The following GABBR2 variants were observed in gnomAD, a reference collection of about 807,000 sequenced individuals.
GABBR2 encodes the protein gamma-aminobutyric acid type B receptor subunit 2.
In GABBR2, 23 loss-of-function variants were observed where a neutral mutation model predicts 105.6. The observed-to-expected ratio is 0.22, with a 90% CI of 0.16 to 0.31. The LOEUF is 0.31. GABBR2 is among the 10% of genes least tolerant of loss of function. The pLI is 1.00. For missense variants in GABBR2, 734 were observed against 1,245.5 expected, an observed-to-expected ratio of 0.59 and a Z score of 6.18; for synonymous variants, 478 against 499.7, an observed-to-expected ratio of 0.96 and a Z score of 0.58.
Position 98,511,940 on chromosome 9 carries a change from T to C in GABBR2, c.631-15426A>G, listed in dbSNP as rs1827652505. 2.6e-5 allele frequency among the ~76,000 whole-genome samples: 4 copies of C among 152,092 alleles called. No individual in the cohort carries two copies. The South Asian group carries it at 6.2e-4, about 24-fold the overall frequency. On this transcript the variant is annotated intron_variant, in intron 3 of 18. Coordinates refer to ENST00000259455, the MANE Select transcript of GABBR2 (RefSeq NM_005458.8). ...ACATCATCCTGATACCAAAGCCTGG[T>C]AGAGACACAACCAAAAAAGAGAATT...
At chr9:98,653,064 A>G (rs770809714) in intron 1 of GABBR2, among the ~76,000 whole-genome samples, 24 of 152,344 alleles carry the variant, frequency 1.6e-4, no homozygotes, top group Non-Finnish European at 2.9e-4. Flanking sequence ...TGGCACAATC[A>G]TAGCCCACTG....
intron 8 of GABBR2, among the ~76,000 whole-genome samples, chr9:98,403,560 C>T (rs990694240): frequency 3.9e-5 from 6 of 151,958 alleles, no homozygotes; most frequent in African/African-American, 1.5e-4. Context: ...GGAATGAGAT[C>T]ATCGCTAAGG....
At chr9:98,552,671 T>C (rs1287486923) in intron 2 of GABBR2, among the ~76,000 whole-genome samples, 1 of 152,106 alleles carries the variant, frequency 6.6e-6, no homozygotes, top group Non-Finnish European at 1.5e-5. Flanking sequence ...TTTGAGTGAG[T>C]TCTGGAAGCC....
At chr9:98,498,955 C>CAGTCTAGCACATACACACAA (rs1827343276) in intron 3 of GABBR2, among the ~76,000 whole-genome samples, 1 of 152,246 alleles carries the variant, frequency 6.6e-6, no homozygotes, top group South Asian at 2.1e-4. Context: ...TGGAAACGCA[C>CAGTCTAGCACATACACACAA]AGTCTAGCCT....
At chr9:98,649,759 T>C (rs1340499121) in intron 1 of GABBR2, among the ~76,000 whole-genome samples, 1 of 152,212 alleles carries the variant, frequency 6.6e-6, no homozygotes, top group Non-Finnish European at 1.5e-5. Flanking sequence ...TTCTTCTCCA[T>C]TTTCCAAAAT....
rs73499048 is a variant in GABBR2 at position 98,388,335 on chromosome 9, G to A, written c.1529+519C>T. Among the ~76,000 whole-genome samples the A allele has an allele frequency of 0.041, 6,169 of 152,222 alleles. 441 individuals are homozygous for A. The highest frequency in any genetic ancestry group is 0.14 in the African/African-American group (5,807 of 41,500). On this transcript the variant is annotated intron_variant, in intron 10 of 18. Coordinates refer to ENST00000259455, the MANE Select transcript of GABBR2 (RefSeq NM_005458.8). The surrounding 1 kb of genome is among the most constrained non-coding windows in gnomAD (Gnocchi z 4.4). Reference sequence around the variant, plus strand: ...TGAGGAGTTATCCGGAGGGTCATACGGGATGATGGAAGGGAGGGCTTCCTG... The same window carrying A: ...TGAGGAGTTATCCGGAGGGTCATACAGGATGATGGAAGGGAGGGCTTCCTG...
chr9:98,660,537 C>T (rs771564131), intron 1 of GABBR2, among the ~76,000 whole-genome samples: 5 of 152,202 alleles, frequency 3.3e-5, no homozygotes, highest in South Asian at 2.1e-4. Flanking sequence ...GAGTTTCCTA[C>T]GGAGTCTGAG....
intron 2 of GABBR2, among the ~76,000 whole-genome samples, chr9:98,563,296 G>C (rs79497231): frequency 3.9e-5 from 6 of 152,206 alleles, no homozygotes; most frequent in South Asian, 2.1e-4. Context: ...GGGCTCTAAG[G>C]TTCCCCCGGC....
At chr9:98,460,590 T>C (rs1195049485) in intron 6 of GABBR2, among the ~76,000 whole-genome samples, 1 of 152,152 alleles carries the variant, frequency 6.6e-6, no homozygotes, top group Non-Finnish European at 1.5e-5. Context: ...TACAGGTTTG[T>C]ATTCAGACTG....
chr9:98,463,236 G>C (rs1264333666), intron 6 of GABBR2, among the ~76,000 whole-genome samples: 1 of 152,168 alleles, frequency 6.6e-6, no homozygotes, highest in Non-Finnish European at 1.5e-5. Flanking sequence ...ATTTCTGAGA[G>C]AAATTAAAGA....
intron 6 of GABBR2, among the ~76,000 whole-genome samples, chr9:98,472,520 A>AC (rs145620053): frequency 0.041 from 6,267 of 152,210 alleles, 206 homozygotes; most frequent in East Asian, 0.14. Context: ...CCTCCTGATA[A>AC]CCCCCAGAAG....
At chr9:98,379,551 G>T (rs1399851401) in intron 11 of GABBR2, among the ~76,000 whole-genome samples, 1 of 152,218 alleles carries the variant, frequency 6.6e-6, no homozygotes, top group African/African-American at 2.4e-5. Context: ...TTACAGGCAT[G>T]AGCCACCGCA....
intron 1 of GABBR2, among the ~76,000 whole-genome samples, chr9:98,594,402 T>C (rs1829199321): frequency 6.6e-6 from 1 of 152,204 alleles, no homozygotes; most frequent in Non-Finnish European, 1.5e-5. Context: ...GGCCTCTCCC[T>C]GCCTAGGAAA....
chr9:98,487,273 AGGATGGACTCCTG>A (rs1827075747), intron 4 of GABBR2, among the ~76,000 whole-genome samples: 1 of 152,162 alleles, frequency 6.6e-6, no homozygotes, highest in African/African-American at 2.4e-5. Context: ...TCAGGCAGTC[AGGATGGACTCCTG>A]GCCTGTGGGA....
intron 1 of GABBR2, among the ~76,000 whole-genome samples, chr9:98,706,730 G>A (rs1830899782): frequency 6.6e-6 from 1 of 152,196 alleles, no homozygotes; most frequent in Non-Finnish European, 1.5e-5. Flanking sequence ...TGCAAGCAGG[G>A]CTGCCCTATC....
chr9:98,702,043 G>A (rs1402697998), intron 1 of GABBR2, among the ~76,000 whole-genome samples: 1 of 152,142 alleles, frequency 6.6e-6, no homozygotes, highest in East Asian at 1.9e-4. Flanking sequence ...TGATAAGGCA[G>A]TTAGTGTATC....
chr9:98,385,920 G>A (rs1185070628), intron 10 of GABBR2, 148 bp from the exon 11 acceptor site: 3 of 632,730 alleles, frequency 4.7e-6, no homozygotes, highest in African/African-American at 3.7e-5. Flanking sequence ...GGGCCTCAGG[G>A]GACACATCAG....
chr9:98,496,129 A>G, intron 4 of GABBR2: 1 of 425,624 alleles, frequency 2.3e-6, no homozygotes. Flanking sequence ...CATGACAATC[A>G]TGTGTGCCCT....
At chr9:98,650,636 A>C (rs887513665) in intron 1 of GABBR2, among the ~76,000 whole-genome samples, 6 of 152,238 alleles carry the variant, frequency 3.9e-5, no homozygotes, top group Non-Finnish European at 8.8e-5. Context: ...TTTGTACACC[A>C]TGTTCACAGC....
Sources: allele counts gnomAD v4.1 joint callset (sites outside exome capture counted in the v4.1 genomes callset), GRCh38; gene constraint gnomAD v4.1.1; non-coding constraint Gnocchi (gnomAD v3.1); transcripts MANE v1.5; gene names NCBI Gene and HGNC (gene_info 2026-07-23, HGNC 2026-07-21).